The following CHD6 variants were observed in gnomAD, a reference collection of about 807,000 sequenced individuals.
CHD6 encodes chromodomain helicase DNA binding protein 6, also known as ATP-dependent chromatin remodeler CHD6.
Under a neutral mutation model 276.9 loss-of-function variants are expected in CHD6, and 50 were observed. The observed-to-expected ratio is 0.18, with a 90% CI of 0.14 to 0.23. CHD6 has a LOEUF of 0.23. CHD6 is among the 10% of genes least tolerant of loss of function. The probability of loss-of-function intolerance (pLI) is 1.00; values close to 1 mark genes in which losing one functional copy is unlikely to be tolerated. For missense variants in CHD6, 2,564 were observed against 3,365.8 expected (o/e 0.76, Z 5.89); for synonymous variants, 1,173 against 1,229.3 (o/e 0.95, Z 0.96).
In CHD6 at chr20:41,616,537, A is replaced by G. The variant is rs147836882; in HGVS notation, c.-24+1803T>C. 5.1e-4 allele frequency among the ~76,000 whole-genome samples: 78 copies of G among 152,352 alleles called. No homozygotes were observed. The East Asian group carries it at 0.012, about 24-fold the overall frequency. ...AACGGTGGGGAAAGATGTGTGCAGGATAGCTTTTAGTCACCCACTAATCAA... is the reference window on the plus strand; with the variant it reads ...AACGGTGGGGAAAGATGTGTGCAGGGTAGCTTTTAGTCACCCACTAATCAA... On this transcript the variant is annotated intron_variant, in intron 1 of 36. Transcript: ENST00000373233.
chr20:41,511,044 C>G (rs987633736), intron 5 of CHD6, among the ~76,000 whole-genome samples: 1 of 152,172 alleles, frequency 6.6e-6, no homozygotes, highest in African/African-American at 2.4e-5. Context: ...TGACCTGGAT[C>G]GTTCTGGGCT....
At chr20:41,568,237 T>C (rs6102471) in intron 1 of CHD6, among the ~76,000 whole-genome samples, 4,162 of 152,318 alleles carry the variant, frequency 0.027, 189 homozygotes, top group African/African-American at 0.094. Context: ...AGATAAAATC[T>C]TGAGGGATAT....
At chr20:41,614,970 G>A (rs142854433) in intron 1 of CHD6, among the ~76,000 whole-genome samples, 97 of 152,270 alleles carry the variant, frequency 6.4e-4, no homozygotes, top group African/African-American at 2.2e-3. Flanking sequence ...TTCCTGAAAC[G>A]GAAAAGTAAA....
chr20:41,430,439 C>T (rs1210414702), intron 27 of CHD6, among the ~76,000 whole-genome samples: 1 of 152,188 alleles, frequency 6.6e-6, no homozygotes, highest in South Asian at 2.1e-4. Flanking sequence ...CAGTGGCTTT[C>T]AGAGGCTGGC....
rs781438042 is a variant in CHD6, at chr20:41,415,504, G to A, written c.6621C>T (p.Ile2207=). Residue 2207 remains isoleucine, a synonymous_variant, in exon 34 of 37, where the codon ATC becomes ATT. Coordinates refer to ENST00000373233, the MANE Select transcript of CHD6 (RefSeq NM_032221.5). ...CTGACTCCCCATGCCAGCCATTGAG[G>A]ATGATAGGGGTGTGCCCGTGGGTGG... ...FSATHGHTPI[I]LNGWHGESAM... The A allele has an allele frequency of 2.5e-6, 4 of 1,614,058 alleles. No individual in the cohort carries two copies. Among genetic ancestry groups the A allele is most frequent in the Non-Finnish European group, 2.5e-6 (3 of 1,179,970 alleles).
In CHD6 at chr20:41,403,565, C is replaced by T. The variant is rs1354283845; in HGVS notation, c.*1028G>A. 1.9e-6 allele frequency: 2 copies of T among 1,063,454 alleles called. No individual in the cohort carries two copies. Among genetic ancestry groups the T allele is most frequent in the African/African-American group, 3.3e-5 (2 of 60,926 alleles). 65.9% of individuals were successfully genotyped at this position (1,063,454 alleles called of 1,614,324 possible). The stretch of plus-strand genomic sequence containing the variant: ...CATAGCTGTATTATAAAGGGTGGCA[C>T]ACATTTGACAGCCTCAGACACTCTT... On this transcript the variant is annotated 3_prime_UTR_variant, in exon 37 of 37. Transcript: ENST00000373233.
At chr20:41,509,338 T>G (rs772326296) in intron 5 of CHD6, among the ~76,000 whole-genome samples, 2 of 152,038 alleles carry the variant, frequency 1.3e-5, no homozygotes, top group African/African-American at 4.8e-5. Context: ...GAGAGGCACA[T>G]AGGACAAAAA....
chr20:41,554,463 C>T (rs1252550875), intron 1 of CHD6, among the ~76,000 whole-genome samples: 1 of 151,078 alleles, frequency 6.6e-6, no homozygotes, highest in Non-Finnish European at 1.5e-5. Context: ...GGTCATAGGA[C>T]AATAGTGGAG....
intron 2 of CHD6, among the ~76,000 whole-genome samples, chr20:41,550,982 T>C (rs1449438327): frequency 1.3e-5 from 2 of 152,216 alleles, no homozygotes; most frequent in Non-Finnish European, 2.9e-5. Context: ...ATATAAAATA[T>C]AAAGAATTGG....
At chr20:41,511,797 T>C (rs980750563) in intron 5 of CHD6, among the ~76,000 whole-genome samples, 4 of 152,172 alleles carry the variant, frequency 2.6e-5, no homozygotes, top group African/African-American at 9.6e-5. Flanking sequence ...TAAGTTCTTG[T>C]CTTCTATACA....
intron 4 of CHD6, among the ~76,000 whole-genome samples, chr20:41,513,364 T>C (rs952555781): frequency 6.6e-6 from 1 of 152,202 alleles, no homozygotes; most frequent in African/African-American, 2.4e-5. Context: ...TTGGGGTCCC[T>C]TCCAGCACTT....
Position 41,402,464 on chromosome 20 carries a change from C to T in CHD6, c.*2129G>A, listed in dbSNP as rs991868268. ...ATCCACATTGAACCCTGTGACCTAC[C>T]GGAGGTTATAAGTGGAACCCGGGGA... On this transcript the variant is annotated 3_prime_UTR_variant, in exon 37 of 37. Transcript: ENST00000373233. 3.5e-5 allele frequency: 8 copies of T among 230,730 alleles called. No homozygotes were observed. Among genetic ancestry groups the T allele is most frequent in the Non-Finnish European group, 5.2e-5 (6 of 116,472 alleles). The allele number at this position is 230,730 out of a possible 1,614,324, so 14.3% of individuals were successfully genotyped here.
At chr20:41,414,091 T>C (rs1331625846) in intron 34 of CHD6, 1 of 152,216 alleles carries the variant, frequency 6.6e-6, no homozygotes, top group African/African-American at 2.4e-5. Flanking sequence ...AGAGAAACTA[T>C]GGTGTTGCAC....
intron 34 of CHD6, 24 bp downstream of exon 34, chr20:41,415,162 T>C (rs1324103972): frequency 6.3e-7 from 1 of 1,586,946 alleles, no homozygotes; most frequent in East Asian, 2.2e-5. Flanking sequence ...TAAATGTTTT[T>C]AATCTAATGA....
At chr20:41,491,857 G>C in intron 10 of CHD6, 38 bp from the exon 11 acceptor site, 1 of 1,610,728 alleles carries the variant, frequency 6.2e-7, no homozygotes, top group Non-Finnish European at 8.5e-7. Flanking sequence ...GATAGAGAAT[G>C]ATGTTTTAGG....
In CHD6 at chr20:41,458,054, T is replaced by C. The variant is rs2048430436; in HGVS notation, c.2665-626A>G. On this transcript the variant is annotated intron_variant, in intron 17 of 36. Transcript: ENST00000373233. ...AACAACTGCATTTCTGCTGTGTCAC[T>C]GAACAGGTACCTTTATTTCCTGTAT... 2.0e-5 allele frequency among the ~76,000 whole-genome samples: 3 copies of C among 152,240 alleles called. No individual in the cohort carries two copies. In the South Asian group the frequency reaches 6.2e-4, roughly 32 times the overall value.
chr20:41,416,273 G>A (rs1176816083), intron 33 of CHD6, among the ~76,000 whole-genome samples: 1 of 151,798 alleles, frequency 6.6e-6, no homozygotes, highest in Non-Finnish European at 1.5e-5. Flanking sequence ...CCCTATCTTT[G>A]TATCCACTCT....
intron 1 of CHD6, among the ~76,000 whole-genome samples, chr20:41,555,138 CGGCT>C (rs2045207042): frequency 8.3e-6 from 1 of 121,200 alleles, no homozygotes; most frequent in African/African-American, 3.2e-5. Context: ...CCCGACGGGG[CGGCT>C]GGCCGGGCAG....
At chr20:41,553,419 C>G in intron 1 of CHD6, among the ~76,000 whole-genome samples, 1 of 152,322 alleles carries the variant, frequency 6.6e-6, no homozygotes, top group South Asian at 2.1e-4. Context: ...CTCACAGGCA[C>G]GTTCCAGCTC....
Sources: allele counts gnomAD v4.1 joint callset (sites outside exome capture counted in the v4.1 genomes callset), GRCh38; gene constraint gnomAD v4.1.1; transcripts MANE v1.5; gene names NCBI Gene and HGNC (gene_info 2026-07-23, HGNC 2026-07-21).